The following RBM39 variants were observed in gnomAD, a reference collection of about 807,000 sequenced individuals.
RBM39 encodes RNA-binding protein 39.
A neutral mutation model predicts 79.6 loss-of-function variants in RBM39; 12 were observed. The observed-to-expected ratio is 0.15, with a 90% CI of 0.10 to 0.24. The LOEUF (loss-of-function observed/expected upper bound fraction) is 0.24, where lower values mean the gene tolerates loss of function less well. Among genes scored for constraint, RBM39 ranks in the 10% least tolerant of loss-of-function variants. The probability of loss-of-function intolerance (pLI) is 1.00; values close to 1 mark genes in which losing one functional copy is unlikely to be tolerated. For synonymous variants in RBM39, 185 were observed against 208.4 expected (o/e 0.89, Z 0.97); for missense variants, 243 against 653.4 (o/e 0.37, Z 6.85).
Position 35,704,689 on chromosome 20 carries a change from A to G in RBM39, c.1471T>C (p.Leu491=), listed in dbSNP as rs1256132721. Residue 491 remains leucine (L), a synonymous_variant, in exon 16 of 17, where the codon TTG becomes CTG. Coordinates refer to ENST00000253363, the MANE Select transcript of RBM39 (RefSeq NM_184234.3). ...IAAAIAAVNA[L]HGRWFAGKMI... is the part of the protein sequence containing the mutation. ...TCACCAGCAAACCACCTGCCATGCAATGCATTGACAGCAGCAATAGCTGCA... is the reference window on the plus strand; with the variant it reads ...TCACCAGCAAACCACCTGCCATGCAGTGCATTGACAGCAGCAATAGCTGCA... 1.9e-6 allele frequency: 3 copies of G among 1,614,024 alleles called. No individual in the cohort carries two copies. The highest frequency in any genetic ancestry group is 2.5e-6 in the Non-Finnish European group (3 of 1,180,018).
intron 8 of RBM39, 135 bp downstream of exon 8, chr20:35,724,435 A>G: frequency 2.7e-6 from 2 of 747,120 alleles, no homozygotes; most frequent in Non-Finnish European, 3.8e-6. Flanking sequence ...GCAAAGTTAA[A>G]AAAAAAAAAA....
At chr20:35,708,870 C>G (rs553579908) in intron 13 of RBM39, 44 of 196,566 alleles carry the variant, frequency 2.2e-4, no homozygotes, top group African/African-American at 1.0e-3. Context: ...ATTCCAGGTT[C>G]TAAAATACTT....
intron 8 of RBM39, among the ~76,000 whole-genome samples, 160 bp downstream of exon 8, chr20:35,724,410 T>C (rs564337599): frequency 2.0e-5 from 3 of 147,110 alleles, no homozygotes; most frequent in Non-Finnish European, 4.5e-5. Flanking sequence ...GAAAACTGTA[T>C]CAATGTTAAT....
Position 35,732,369 on chromosome 20 carries a change from A to G in RBM39, c.102-234T>C, listed in dbSNP as rs1031501423. 8 of 529,704 alleles carry G rather than the reference A, an allele frequency of 1.5e-5. No homozygotes were observed. In the Admixed American group the frequency reaches 2.6e-4, roughly 17 times the overall value. The allele number at this position is 529,704 out of a possible 1,614,324, so 32.8% of individuals were successfully genotyped here. ...TCAGGAGTTCAAGACCAGTCTGGCC[A>G]ATGTAGTGAAACCCCGTCCCTAATA... On this transcript the variant is annotated intron_variant, in intron 3 of 16. Coordinates refer to ENST00000253363, the MANE Select transcript of RBM39 (RefSeq NM_184234.3).
At chr20:35,721,257 T>C (rs1422893987) in intron 9 of RBM39, among the ~76,000 whole-genome samples, 1 of 152,194 alleles carries the variant, frequency 6.6e-6, no homozygotes, top group Non-Finnish European at 1.5e-5. Flanking sequence ...TCTTAAGATA[T>C]TCAACTTTCT....
intron 14 of RBM39, among the ~76,000 whole-genome samples, chr20:35,705,849 A>G (rs1034633975): frequency 6.6e-6 from 1 of 152,084 alleles, no homozygotes; most frequent in African/African-American, 2.4e-5. Context: ...GCAAAATAAG[A>G]TAGAAAATAT....
At chr20:35,729,855 A>C (rs6060586) in intron 4 of RBM39, among the ~76,000 whole-genome samples, 39,249 of 151,094 alleles carry the variant, frequency 0.26, 5,903 homozygotes, top group African/African-American at 0.43. Flanking sequence ...AAAAAAAAAA[A>C]ACACACACAC....
intron 3 of RBM39, among the ~76,000 whole-genome samples, chr20:35,737,170 T>C (rs931312597): frequency 1.3e-5 from 2 of 151,236 alleles, no homozygotes; most frequent in African/African-American, 4.9e-5. Context: ...GGCAGGTGGA[T>C]CACGAGGTCA....
chr20:35,732,279 T>C, intron 3 of RBM39, 144 bp from the exon 4 acceptor site: 1 of 561,822 alleles, frequency 1.8e-6, no homozygotes, highest in Non-Finnish European at 2.7e-6. Flanking sequence ...ATAATCATAC[T>C]TAAAAAAAAA....
intron 6 of RBM39, 125 bp downstream of exon 6, chr20:35,729,187 G>A (rs1052935147): frequency 3.1e-5 from 22 of 710,374 alleles, no homozygotes; most frequent in Middle Eastern, 8.7e-4. Flanking sequence ...TTAAAGTACT[G>A]GAAGTGCAAA....
rs1258734281 is a variant in RBM39 at position 35,704,384 on chromosome 20, G to C, written c.*97C>G. 7 of 884,152 alleles carry C rather than the reference G, an allele frequency of 7.9e-6. No homozygotes were observed. The highest frequency in any genetic ancestry group is 1.0e-5 in the Non-Finnish European group (6 of 577,304). 54.8% of individuals were successfully genotyped at this position (884,152 alleles called of 1,614,324 possible). On this transcript the variant is annotated 3_prime_UTR_variant, in exon 17 of 17. Coordinates refer to ENST00000253363, the MANE Select transcript of RBM39 (RefSeq NM_184234.3). ...AGGAAATTGCATACAAATGACAGTA[G>C]ATCCTTGCCTCTTTATTTTTATCTA...
chr20:35,724,977 G>T, intron 7 of RBM39, 61 bp downstream of exon 7: 1 of 1,203,676 alleles, frequency 8.3e-7, no homozygotes, highest in Non-Finnish European at 1.2e-6. Context: ...AGTATTTGAT[G>T]TTTACATGTT....
Position 35,703,941 on chromosome 20 carries a change from AT to A in RBM39, c.*539del. On this transcript the variant is annotated 3_prime_UTR_variant, in exon 17 of 17. Transcript: ENST00000253363. ...CAAAGAAACTTTTACAGATACATTA[AT>A]TGAAAAGATACCATCAAGAAATATA... 6.5e-6 allele frequency: 1 copy of A among 152,826 alleles called. No homozygotes were observed. The highest frequency in any genetic ancestry group is 1.9e-4 in the East Asian group (1 of 5,194). 9.5% of individuals were successfully genotyped at this position (152,826 alleles called of 1,614,324 possible).
intron 9 of RBM39, among the ~76,000 whole-genome samples, chr20:35,717,783 G>A (rs2037337964): frequency 6.6e-6 from 1 of 152,190 alleles, no homozygotes; most frequent in Non-Finnish European, 1.5e-5. Flanking sequence ...GGAGGTGGAC[G>A]CTACACAGTG....
intron 9 of RBM39, among the ~76,000 whole-genome samples, chr20:35,717,673 T>TA (rs2037321936): frequency 1.3e-5 from 2 of 152,070 alleles, no homozygotes; most frequent in South Asian, 4.1e-4. Flanking sequence ...GCTGTCCATT[T>TA]AAAAAAAGGT....
chr20:35,706,313 C>A (rs1157363910), intron 14 of RBM39, among the ~76,000 whole-genome samples: 2 of 151,942 alleles, frequency 1.3e-5, no homozygotes, highest in African/African-American at 4.8e-5. Context: ...TATACTCCAA[C>A]CTAGACTGAG....
At chr20:35,731,752 AT>A in intron 4 of RBM39, 188 bp downstream of exon 4, 1 of 635,700 alleles carries the variant, frequency 1.6e-6, no homozygotes, top group Non-Finnish European at 2.7e-6. Flanking sequence ...GTAAAAGCAA[AT>A]TTTTACTTAT....
chr20:35,736,578 A>C, intron 3 of RBM39: 1 of 470,870 alleles, frequency 2.1e-6, no homozygotes, highest in Non-Finnish European at 4.4e-6. Flanking sequence ...CTTAGGAGGA[A>C]AAGAGCCAAA....
chr20:35,718,916 G>A (rs372665858), intron 9 of RBM39, among the ~76,000 whole-genome samples: 1 of 151,592 alleles, frequency 6.6e-6, no homozygotes, highest in Non-Finnish European at 1.5e-5. Flanking sequence ...GGAGGCAGAG[G>A]TTGCAGTGAG....
Sources: allele counts gnomAD v4.1 joint callset (sites outside exome capture counted in the v4.1 genomes callset), GRCh38; gene constraint gnomAD v4.1.1; transcripts MANE v1.5; gene names NCBI Gene and HGNC (gene_info 2026-07-23, HGNC 2026-07-21).